KIAA1328: variants seen among roughly 807,000 people sequenced by gnomAD.
KIAA1328 encodes the protein KIAA1328.
KIAA1328 carries 52 observed loss-of-function variants against 68.1 expected under a neutral mutation model. The ratio of observed to expected loss-of-function variants is 0.76; its 90% CI spans 0.61 to 0.96. The LOEUF (loss-of-function observed/expected upper bound fraction) is 0.96. Among genes scored for constraint, KIAA1328 ranks in the 40% least tolerant of loss-of-function variants. The pLI, the probability that KIAA1328 is intolerant of heterozygous loss-of-function variation, is 0.00. For synonymous variants in KIAA1328, 232 were observed against 239.4 expected, an observed-to-expected ratio of 0.97 and a Z score of 0.28; for missense variants, 641 against 677.6, an observed-to-expected ratio of 0.95 and a Z score of 0.60.
chr18:36,982,414 A>G (rs781072351), intron 6 of KIAA1328, among the ~76,000 whole-genome samples: 1 of 151,738 alleles, frequency 6.6e-6, no homozygotes, highest in African/African-American at 2.4e-5. Flanking sequence ...TACATGTTGC[A>G]TACAATGGAA....
intron 5 of KIAA1328, among the ~76,000 whole-genome samples, chr18:36,915,755 C>G (rs574240863): frequency 6.6e-6 from 1 of 152,244 alleles, no homozygotes; most frequent in African/African-American, 2.4e-5. Context: ...AATGGCATGG[C>G]ATTTTAATAA....
At chr18:36,848,329 A>C (rs1465849666) in intron 4 of KIAA1328, among the ~76,000 whole-genome samples, 1 of 151,450 alleles carries the variant, frequency 6.6e-6, no homozygotes, top group Non-Finnish European at 1.5e-5. Context: ...AAGTGGTGTT[A>C]TTAGAAATTT....
chr18:37,110,200 T>C (rs528210698), intron 7 of KIAA1328, among the ~76,000 whole-genome samples: 48 of 152,298 alleles, frequency 3.2e-4, no homozygotes, highest in African/African-American at 1.2e-3. Context: ...TATGGTCTAA[T>C]TGATAAAATA....
chr18:37,043,115 G>C (rs538355022), intron 6 of KIAA1328, among the ~76,000 whole-genome samples: 1 of 152,042 alleles, frequency 6.6e-6, no homozygotes, highest in East Asian at 1.9e-4. Flanking sequence ...TCTCTTTATT[G>C]AGATTGTCTA....
At chr18:37,163,269 G>A (rs750897047) in intron 8 of KIAA1328, among the ~76,000 whole-genome samples, 1 of 152,188 alleles carries the variant, frequency 6.6e-6, no homozygotes, top group Non-Finnish European at 1.5e-5. Flanking sequence ...AAGCCACTGA[G>A]TGCGCAGTTT....
At chr18:36,983,890 GA>G in intron 6 of KIAA1328, among the ~76,000 whole-genome samples, 1 of 152,044 alleles carries the variant, frequency 6.6e-6, no homozygotes, top group East Asian at 1.9e-4. Context: ...CAATATTTTA[GA>G]AACAATAATA....
At chr18:37,014,153 T>C (rs2054071125) in intron 6 of KIAA1328, among the ~76,000 whole-genome samples, 1 of 152,228 alleles carries the variant, frequency 6.6e-6, no homozygotes, top group Admixed American at 6.5e-5. Flanking sequence ...TTTTGAGAAG[T>C]GTCCATTCAT....
At chr18:36,894,580 A>C (rs2048808553) in intron 5 of KIAA1328, among the ~76,000 whole-genome samples, 1 of 151,916 alleles carries the variant, frequency 6.6e-6, no homozygotes, top group African/African-American at 2.4e-5. Flanking sequence ...GTTGGAGCAC[A>C]GTGGTGCAGT....
chr18:37,033,278 A>G (rs2054904203), intron 6 of KIAA1328, among the ~76,000 whole-genome samples: 1 of 152,152 alleles, frequency 6.6e-6, no homozygotes, highest in Non-Finnish European at 1.5e-5. Context: ...TTGACTTACT[A>G]GTCAGATTTC....
intron 6 of KIAA1328, among the ~76,000 whole-genome samples, chr18:37,007,429 T>C (rs1405385804): frequency 6.6e-6 from 1 of 152,168 alleles, no homozygotes; most frequent in Non-Finnish European, 1.5e-5. Context: ...GTATAGTGCT[T>C]GTGAAGGTTC....
chr18:37,056,013 C>A (rs1016506038), intron 6 of KIAA1328, among the ~76,000 whole-genome samples: 3 of 152,174 alleles, frequency 2.0e-5, no homozygotes, highest in African/African-American at 4.8e-5. Flanking sequence ...GAAATTATTA[C>A]TGCAGTTTAG....
At chr18:36,901,287 A>G (rs1312721176) in intron 5 of KIAA1328, among the ~76,000 whole-genome samples, 1 of 152,042 alleles carries the variant, frequency 6.6e-6, no homozygotes, top group African/African-American at 2.4e-5. Flanking sequence ...ACATTTAAAA[A>G]ATGTGTATTG....
chr18:36,921,385 A>G (rs56332817), intron 5 of KIAA1328, among the ~76,000 whole-genome samples: 15 of 152,134 alleles, frequency 9.9e-5, no homozygotes, highest in East Asian at 1.9e-4. Context: ...ATTAGGAGTT[A>G]TACTTTTCTT....
intron 7 of KIAA1328, among the ~76,000 whole-genome samples, chr18:37,130,316 C>T (rs1409367649): frequency 6.6e-6 from 1 of 151,994 alleles, no homozygotes; most frequent in East Asian, 1.9e-4. Flanking sequence ...GATTTACCAC[C>T]AAAAGAAATG....
At chr18:36,866,109 CT>C (rs1189617928) in intron 4 of KIAA1328, among the ~76,000 whole-genome samples, 5 of 152,232 alleles carry the variant, frequency 3.3e-5, no homozygotes, top group African/African-American at 1.2e-4. Context: ...CCAGTACCCA[CT>C]ACCAACTCCT....
intron 6 of KIAA1328, among the ~76,000 whole-genome samples, chr18:36,987,960 T>C (rs530421379): frequency 2.0e-5 from 3 of 152,338 alleles, no homozygotes; most frequent in Non-Finnish European, 4.4e-5. Flanking sequence ...AAAATATATT[T>C]TACAGTGCAT....
chr18:36,845,973 A>G (rs565658133), intron 4 of KIAA1328, among the ~76,000 whole-genome samples: 5 of 151,760 alleles, frequency 3.3e-5, no homozygotes, highest in African/African-American at 1.2e-4. Flanking sequence ...AAATCTGCTT[A>G]TATACTGCTA....
chr18:37,204,638 A>G (rs989781024), intron 9 of KIAA1328, among the ~76,000 whole-genome samples: 1 of 152,154 alleles, frequency 6.6e-6, no homozygotes, highest in Non-Finnish European at 1.5e-5. Flanking sequence ...TTATATTTCA[A>G]AGCACAGAGA....
intron 6 of KIAA1328, among the ~76,000 whole-genome samples, chr18:37,032,664 G>T (rs1269017762): frequency 2.0e-5 from 3 of 151,422 alleles, no homozygotes; most frequent in African/African-American, 7.3e-5. Context: ...TTTTTGAGAT[G>T]GAGTTTCACT....
Sources: gnomAD v4.1 joint callset for allele counts (sites outside exome capture counted in the v4.1 genomes callset) on GRCh38, gnomAD v4.1.1 for gene constraint, MANE v1.5 for transcripts, NCBI Gene and HGNC (gene_info 2026-07-23, HGNC 2026-07-21) for gene names.